SHANK2: variants seen among roughly 807,000 people sequenced by gnomAD.
SHANK2 encodes the protein SH3 and multiple ankyrin repeat domains 2.
Under a neutral mutation model 133.7 loss-of-function variants are expected in SHANK2, and 43 were observed. That is an observed-to-expected ratio of 0.32 (90% CI 0.25 to 0.41). The LOEUF is 0.41. Among genes scored for constraint, SHANK2 ranks in the 10% least tolerant of loss-of-function variants. The pLI is 1.00. For missense variants in SHANK2, 1,994 were observed against 2,235.8 expected, an observed-to-expected ratio of 0.89 and a Z score of 2.18; for synonymous variants, 1,017 against 952.8, an observed-to-expected ratio of 1.07 and a Z score of -1.24.
chr11:71,059,441 C>T (rs1200711981), intron 9 of SHANK2, among the ~76,000 whole-genome samples: 2 of 151,962 alleles, frequency 1.3e-5, no homozygotes, highest in African/African-American at 2.4e-5. Context: ...GACAGACCAG[C>T]GATCATGGAG....
intron 11 of SHANK2, chr11:70,873,179 C>T: frequency 2.1e-6 from 1 of 465,324 alleles, no homozygotes; most frequent in Non-Finnish European, 4.5e-6. Flanking sequence ...CGTGGCATCC[C>T]AGCACTCAGA....
chr11:71,116,388 A>C (rs1290887825), intron 4 of SHANK2, among the ~76,000 whole-genome samples: 1 of 152,236 alleles, frequency 6.6e-6, no homozygotes, highest in Non-Finnish European at 1.5e-5. Context: ...ACACTGCAGG[A>C]AACAATGCCT....
chr11:70,626,007 G>A (rs553509104), intron 17 of SHANK2, among the ~76,000 whole-genome samples: 1 of 152,048 alleles, frequency 6.6e-6, no homozygotes, highest in East Asian at 1.9e-4. Flanking sequence ...CAGGCCTCTG[G>A]GGCCTCCCCG....
intron 17 of SHANK2, among the ~76,000 whole-genome samples, chr11:70,618,368 G>T (rs2060783954): frequency 6.6e-6 from 1 of 151,738 alleles, no homozygotes; most frequent in Non-Finnish European, 1.5e-5. Context: ...AGGTCAGAAT[G>T]AACCCACTGA....
chr11:70,683,410 C>A (rs1326713515), intron 15 of SHANK2, among the ~76,000 whole-genome samples: 1 of 152,204 alleles, frequency 6.6e-6, no homozygotes, highest in African/African-American at 2.4e-5. Flanking sequence ...TAACACTTTC[C>A]TTCCACCCCT....
At chr11:71,234,700 C>T (rs1209661262) in intron 1 of SHANK2, among the ~76,000 whole-genome samples, 3 of 152,124 alleles carry the variant, frequency 2.0e-5, no homozygotes, top group Non-Finnish European at 4.4e-5. Flanking sequence ...ATGCCTTCCC[C>T]ACTGCCCGCA....
rs1015632883 is a variant in SHANK2 at position 71,102,634 on chromosome 11, C to T, written c.592+7307G>A. On this transcript the variant is annotated intron_variant, in intron 6 of 25. Transcript: ENST00000601538. Reference sequence around the variant, plus strand: ...GGGAACATGCCCAGGCTGCTGCCGACAACCAGGTGGAAAGTGGGAATGTGA... The same window carrying T: ...GGGAACATGCCCAGGCTGCTGCCGATAACCAGGTGGAAAGTGGGAATGTGA... 4.6e-5 allele frequency among the ~76,000 whole-genome samples: 7 copies of T among 152,242 alleles called. No individual in the cohort carries two copies. In the South Asian group the frequency reaches 1.4e-3, roughly 31 times the overall value.
intron 11 of SHANK2, among the ~76,000 whole-genome samples, chr11:70,868,297 T>C (rs779540218): frequency 7.0e-4 from 107 of 152,280 alleles, no homozygotes; most frequent in Non-Finnish European, 1.2e-3. Context: ...GATCTGCTCT[T>C]GGACAACCCC....
chr11:70,513,299 A>G (rs2059226239), intron 17 of SHANK2, among the ~76,000 whole-genome samples: 1 of 152,156 alleles, frequency 6.6e-6, no homozygotes, highest in Admixed American at 6.6e-5. Context: ...GGGTAGTTTC[A>G]TATTCTGTGT....
chr11:70,627,968 G>GT (rs1384419702), intron 17 of SHANK2, among the ~76,000 whole-genome samples: 36 of 150,302 alleles, frequency 2.4e-4, no homozygotes, highest in South Asian at 1.1e-3. Flanking sequence ...GTTGTTTTTT[G>GT]TTTTTTTTTG....
At chr11:70,521,218 G>A (rs954775393) in intron 17 of SHANK2, among the ~76,000 whole-genome samples, 7 of 152,164 alleles carry the variant, frequency 4.6e-5, no homozygotes, top group Non-Finnish European at 8.8e-5. Flanking sequence ...CTGCCATTAA[G>A]GTCATGATCT....
intron 3 of SHANK2, among the ~76,000 whole-genome samples, chr11:71,130,837 C>T (rs79579347): frequency 0.017 from 2,574 of 152,296 alleles, 80 homozygotes; most frequent in African/African-American, 0.059. Flanking sequence ...ACGCAGACCC[C>T]GGGGACGATC....
chr11:70,698,405 C>T, intron 15 of SHANK2: 1 of 515,356 alleles, frequency 1.9e-6, no homozygotes, highest in Non-Finnish European at 3.5e-6. Flanking sequence ...TGCCGTCATC[C>T]TTGACATTTG....
intron 1 of SHANK2, among the ~76,000 whole-genome samples, chr11:71,232,809 G>T (rs1405735356): frequency 6.6e-6 from 1 of 152,118 alleles, no homozygotes. Flanking sequence ...GTTACATTTT[G>T]GGGGAGTCAC....
chr11:70,673,026 A>C (rs1381924537), intron 15 of SHANK2, among the ~76,000 whole-genome samples: 2 of 152,224 alleles, frequency 1.3e-5, no homozygotes, highest in Admixed American at 6.5e-5. Context: ...CAGTGAAGGA[A>C]GCCTGAGCTG....
chr11:70,730,376 T>C (rs1664197), intron 14 of SHANK2, among the ~76,000 whole-genome samples: 90,018 of 151,848 alleles, frequency 0.59, 27,986 homozygotes, highest in African/African-American at 0.8. Flanking sequence ...TCACGCCCAA[T>C]TGTCCCCATG....
chr11:71,083,846 G>A (rs952369170), intron 8 of SHANK2, among the ~76,000 whole-genome samples: 11 of 152,152 alleles, frequency 7.2e-5, no homozygotes, highest in East Asian at 1.9e-4. Flanking sequence ...TGGGTTGTGG[G>A]AATGCATTGG....
chr11:71,163,037 C>T (rs1435785637), intron 2 of SHANK2, among the ~76,000 whole-genome samples: 1 of 133,266 alleles, frequency 7.5e-6, no homozygotes, highest in Non-Finnish European at 1.5e-5. Flanking sequence ...CGCGCCACTG[C>T]ATTCCAGCCT....
chr11:70,627,363 G>C (rs1316082740), intron 17 of SHANK2, among the ~76,000 whole-genome samples: 1 of 152,158 alleles, frequency 6.6e-6, no homozygotes, highest in Non-Finnish European at 1.5e-5. Flanking sequence ...AGCTGGTGGG[G>C]GCGTCACCCA....
Sources: allele counts gnomAD v4.1 joint callset (sites outside exome capture counted in the v4.1 genomes callset), GRCh38; gene constraint gnomAD v4.1.1; transcripts MANE v1.5; gene names NCBI Gene and HGNC (gene_info 2026-07-23, HGNC 2026-07-21).